Variants in FRMPD2 observed in about 807,000 individuals in gnomAD.
FRMPD2 encodes FERM and PDZ domain containing 2.
A neutral mutation model predicts 140.1 loss-of-function variants in FRMPD2; 96 were observed. The ratio of observed to expected loss-of-function variants is 0.69; its 90% CI spans 0.58 to 0.81. The LOEUF (loss-of-function observed/expected upper bound fraction) is 0.81, where lower values mean the gene tolerates loss of function less well. FRMPD2 is among the 40% of genes least tolerant of loss of function. FRMPD2 has a pLI of 0.00. For synonymous variants in FRMPD2, 449 were observed against 547.6 expected, an observed-to-expected ratio of 0.82 and a Z score of 2.52; for missense variants, 1,240 against 1,447.4, an observed-to-expected ratio of 0.86 and a Z score of 2.32.
chr10:48,258,373 C>T (rs1383279055), intron 1 of FRMPD2, among the ~76,000 whole-genome samples: 3 of 152,196 alleles, frequency 2.0e-5, no homozygotes, highest in African/African-American at 7.2e-5. Context: ...GCATCACTAT[C>T]ACCTTCTCCA....
At chr10:48,242,830 C>A (rs1411774685) in intron 4 of FRMPD2, among the ~76,000 whole-genome samples, 1 of 152,202 alleles carries the variant, frequency 6.6e-6, no homozygotes, top group East Asian at 1.9e-4. Flanking sequence ...TCGGAACAGC[C>A]AGCAGTCAGC....
chr10:48,158,056 C>T (rs1214539556), intron 28 of FRMPD2, among the ~76,000 whole-genome samples: 2 of 149,066 alleles, frequency 1.3e-5, no homozygotes, highest in Non-Finnish European at 3.0e-5. Context: ...CCGTAGACTC[C>T]CTCCACCTCT....
At chr10:48,241,383 T>A (rs1840100908) in intron 5 of FRMPD2, among the ~76,000 whole-genome samples, 1 of 152,332 alleles carries the variant, frequency 6.6e-6, no homozygotes, top group South Asian at 2.1e-4. Context: ...TTACATTTTG[T>A]GCCATAGGCA....
intron 9 of FRMPD2, among the ~76,000 whole-genome samples, chr10:48,234,190 G>T (rs982286508): frequency 4.6e-5 from 7 of 152,200 alleles, no homozygotes; most frequent in African/African-American, 1.4e-4. Flanking sequence ...ACAGAGCAGG[G>T]TCCCAGGTAC....
At chr10:48,185,528 C>T (rs773508382) in intron 18 of FRMPD2, 25 bp downstream of exon 18, 1 of 1,552,948 alleles carries the variant, frequency 6.4e-7, no homozygotes, top group Non-Finnish European at 8.9e-7. Flanking sequence ...AGAGACTGGG[C>T]CTCACCTACA....
chr10:48,240,709 A>T (rs1840087007), intron 5 of FRMPD2, among the ~76,000 whole-genome samples: 1 of 152,094 alleles, frequency 6.6e-6, no homozygotes, highest in Non-Finnish European at 1.5e-5. Flanking sequence ...CTGCACACTC[A>T]CACACATCTG....
chr10:48,160,827 G>A (rs1333268201), intron 28 of FRMPD2, among the ~76,000 whole-genome samples: 93 of 148,716 alleles, frequency 6.3e-4, no homozygotes, highest in African/African-American at 2.2e-3. Flanking sequence ...GGAGCTGGGG[G>A]AACTGTGTCC....
At chr10:48,199,591 T>A (rs1288061489) in intron 15 of FRMPD2, 2 of 152,236 alleles carry the variant, frequency 1.3e-5, no homozygotes, top group Non-Finnish European at 2.9e-5. Context: ...ATTATGTGTA[T>A]TGCAGAAACA....
intron 1 of FRMPD2, among the ~76,000 whole-genome samples, chr10:48,264,129 A>G (rs1840642073): frequency 6.6e-6 from 1 of 151,924 alleles, no homozygotes; most frequent in Non-Finnish European, 1.5e-5. Flanking sequence ...GAATAGAAAG[A>G]AACTTCTTCG....
Position 48,249,155 on chromosome 10 carries a change from G to A in FRMPD2, c.175C>T (p.Pro59Ser). Residue 59 changes from proline (P) to serine (S), a missense_variant, in exon 3 of 29, where the codon CCC becomes TCC. By Grantham distance (74) the Pro-to-Ser change is moderately conservative. Coordinates refer to ENST00000374201, the MANE Select transcript of FRMPD2 (RefSeq NM_001018071.4). ...GCTGCAGAAAGCAGGGCTGACCAGG[G>A]GCAAACCACATAGTCCGAGGAATCT... ...RNDSSDYVVCPWSALLSAAGS... is the reference protein window; with the variant it reads ...RNDSSDYVVCSWSALLSAAGS... The A allele has an allele frequency of 1.2e-6, 2 of 1,614,094 alleles. No homozygotes were observed. Among genetic ancestry groups the A allele is most frequent in the Non-Finnish European group, 1.7e-6 (2 of 1,180,004 alleles).
At chr10:48,210,956 G>A (rs1391753397) in intron 13 of FRMPD2, among the ~76,000 whole-genome samples, 5 of 152,226 alleles carry the variant, frequency 3.3e-5, no homozygotes, top group Non-Finnish European at 7.3e-5. Flanking sequence ...TCCCATCCTG[G>A]GGAAGCTGCG....
intron 3 of FRMPD2, among the ~76,000 whole-genome samples, chr10:48,246,066 G>T (rs1840241489): frequency 1.3e-5 from 2 of 152,168 alleles, no homozygotes; most frequent in Non-Finnish European, 2.9e-5. Context: ...AACGTGCATA[G>T]ATACCATGCA....
intron 1 of FRMPD2, among the ~76,000 whole-genome samples, chr10:48,253,039 G>A (rs1013800173): frequency 6.6e-6 from 1 of 152,162 alleles, no homozygotes; most frequent in Non-Finnish European, 1.5e-5. Flanking sequence ...GATAAGAAGG[G>A]GGAAGAAGAA....
At chr10:48,230,502 A>G (rs1420070037) in intron 10 of FRMPD2, among the ~76,000 whole-genome samples, 2 of 152,220 alleles carry the variant, frequency 1.3e-5, no homozygotes, top group Non-Finnish European at 2.9e-5. Flanking sequence ...AACAAGCTTC[A>G]AAGGAGCCTA....
chr10:48,218,796 G>A (rs1839512598), intron 12 of FRMPD2, among the ~76,000 whole-genome samples: 1 of 152,216 alleles, frequency 6.6e-6, no homozygotes, highest in Admixed American at 6.5e-5. Flanking sequence ...CTGACATCAT[G>A]TGAGTTCCTA....
chr10:48,216,286 T>TTATGGATAGATA (rs1554795963), intron 12 of FRMPD2, among the ~76,000 whole-genome samples: 2 of 115,936 alleles, frequency 1.7e-5, no homozygotes, highest in East Asian at 5.6e-4. Flanking sequence ...GATACATAGA[T>TTATGGATAGATA]GATGGATAGA....
At chr10:48,217,256 G>A (rs1839471889) in intron 12 of FRMPD2, among the ~76,000 whole-genome samples, 1 of 152,194 alleles carries the variant, frequency 6.6e-6, no homozygotes, top group Admixed American at 6.5e-5. Context: ...CTGCTTTGGT[G>A]CTGGATAAAT....
At chr10:48,174,303 C>T (rs1466110998) in intron 24 of FRMPD2, among the ~76,000 whole-genome samples, 9 of 149,510 alleles carry the variant, frequency 6.0e-5, no homozygotes, top group East Asian at 1.9e-4. Context: ...GGGATAACAT[C>T]GAGTCACTGC....
rs57389978 is a variant in FRMPD2 at position 48,183,851 on chromosome 10, CA to C, written c.2584+714del. Among the ~76,000 whole-genome samples, 96 of 76,654 alleles carry C rather than the reference CA, an allele frequency of 1.3e-3. 1 individual carries two copies. Among genetic ancestry groups the C allele is most frequent in the Middle Eastern group, 8.9e-3 (1 of 112 alleles). 50.3% of individuals were successfully genotyped at this position (76,654 alleles called of 152,430 possible). A position where few individuals can be genotyped will look rare whatever the true frequency, so the allele number is the denominator to read the frequency against. On this transcript the variant is annotated intron_variant, in intron 20 of 28. Transcript: ENST00000374201. ...TGGGTGAAAGAGTGAGACTCCATCT[CA>C]AAAAAAAAAAAGGAAAATCAAATAC...
Sources: allele counts gnomAD v4.1 joint callset (sites outside exome capture counted in the v4.1 genomes callset), GRCh38; gene constraint gnomAD v4.1.1; transcripts MANE v1.5; gene names NCBI Gene and HGNC (gene_info 2026-07-23, HGNC 2026-07-21).